CHFR: variants seen among roughly 807,000 people sequenced by gnomAD.
CHFR encodes E3 ubiquitin-protein ligase CHFR.
CHFR carries 57 observed loss-of-function variants against 87.6 expected under a neutral mutation model. The observed-to-expected ratio is 0.65, with a 90% CI of 0.53 to 0.81. CHFR has a LOEUF of 0.81. Ranked by LOEUF, CHFR falls within the 30% of genes least tolerant of loss-of-function variation. CHFR has a pLI of 0.00. For synonymous variants in CHFR, 381 were observed against 359.2 expected (o/e 1.06, Z -0.69); for missense variants, 797 against 865.8 (o/e 0.92, Z 1.00).
chr12:132,842,583 T>C (rs1950724558), intron 17 of CHFR, among the ~76,000 whole-genome samples: 2 of 152,192 alleles, frequency 1.3e-5, no homozygotes, highest in African/African-American at 4.8e-5. Context: ...CAGATGGCGC[T>C]GTGAACCTCC....
intron 12 of CHFR, among the ~76,000 whole-genome samples, chr12:132,850,996 T>C (rs1031590751): frequency 6.4e-5 from 9 of 140,346 alleles, no homozygotes; most frequent in Non-Finnish European, 1.3e-4. Context: ...TATATATATA[T>C]ATGTTTTGTT....
At chr12:132,881,867 CAAAAAAAAAAAA>C (rs57027326) in intron 2 of CHFR, among the ~76,000 whole-genome samples, 1 of 98,166 alleles carries the variant, frequency 1.0e-5, no homozygotes, top group Non-Finnish European at 2.1e-5. Flanking sequence ...GACGCTGTCT[CAAAAAAAAAAAA>C]AAAAAAAAAG....
chr12:132,882,392 G>A (rs955516386), intron 2 of CHFR, among the ~76,000 whole-genome samples: 3 of 152,164 alleles, frequency 2.0e-5, no homozygotes, highest in African/African-American at 7.2e-5. Flanking sequence ...TCAGGGTGAC[G>A]AACATGTTCT....
At chr12:132,882,984 G>C (rs1389411725) in intron 2 of CHFR, 2 of 152,204 alleles carry the variant, frequency 1.3e-5, no homozygotes, top group East Asian at 1.9e-4. Flanking sequence ...TTACAGGCAT[G>C]AGCCACCGTG....
rs1420688359 is a variant in CHFR, at chr12:132,838,185, G to GAGCA, written c.*3365_*3368dup. 2 of 152,446 alleles carry GAGCA rather than the reference G, an allele frequency of 1.3e-5. No individual in the cohort carries two copies. Among genetic ancestry groups the GAGCA allele is most frequent in the African/African-American group, 4.8e-5 (2 of 41,454 alleles). The allele number at this position is 152,446 out of a possible 1,614,324, so 9.4% of individuals were successfully genotyped here. A position where few individuals can be genotyped will look rare whatever the true frequency, so the allele number is the denominator to read the frequency against. On this transcript the variant is annotated 3_prime_UTR_variant, in exon 18 of 18. Transcript: ENST00000450056. Reference sequence around the variant, plus strand: ...TGGGGTGAAGGCCGTGTGGTGCTGGGAGCAGCCCCTGGACCCCGGCTCTCA... The same window carrying GAGCA: ...TGGGGTGAAGGCCGTGTGGTGCTGGGAGCAAGCAGCCCCTGGACCCCGGCTCTCA...
At chr12:132,877,691 C>A in intron 2 of CHFR, 37 bp from the exon 3 acceptor site, 1 of 1,416,366 alleles carries the variant, frequency 7.1e-7, no homozygotes, top group Non-Finnish European at 9.9e-7. Context: ...GGGATATGAT[C>A]GTGGTAACTG....
At chr12:132,842,456 C>G (rs560715119) in intron 17 of CHFR, among the ~76,000 whole-genome samples, 1 of 152,376 alleles carries the variant, frequency 6.6e-6, no homozygotes, top group Middle Eastern at 3.4e-3. Context: ...CACACAACAT[C>G]TCGTCCTGAG....
chr12:132,846,621 C>T (rs1293515030), intron 15 of CHFR, among the ~76,000 whole-genome samples: 1 of 152,010 alleles, frequency 6.6e-6, no homozygotes, highest in Non-Finnish European at 1.5e-5. Flanking sequence ...TGGCTCACGC[C>T]TGTAATTCCA....
Position 132,856,614 on chromosome 12 carries a change from T to C in CHFR, c.1083A>G (p.Glu361=), listed in dbSNP as rs1566184554. The change falls in exon 10 of 18, where the codon GAA becomes GAG. Residue 361 remains glutamate, a synonymous_variant. Transcript: ENST00000450056. The stretch of plus-strand genomic sequence containing the variant: ...TGGCATCCATACTTTGCACATCTTC[T>C]TCACTGCGACTCTTGTCTAGAATTG... ...LIQHPDKSRS[E]EDVQSMDARN... 1.2e-6 allele frequency: 2 copies of C among 1,614,110 alleles called. No individual in the cohort carries two copies. The highest frequency in any genetic ancestry group is 1.7e-6 in the Non-Finnish European group (2 of 1,179,990).
intron 3 of CHFR, 150 bp from the exon 4 acceptor site, chr12:132,872,544 C>A: frequency 1.7e-6 from 1 of 603,846 alleles, no homozygotes; most frequent in Admixed American, 2.6e-5. Flanking sequence ...CACACATCCA[C>A]GCACCCCTCA....
chr12:132,845,046 G>A (rs1054249567), intron 15 of CHFR, among the ~76,000 whole-genome samples: 4 of 151,120 alleles, frequency 2.6e-5, no homozygotes, highest in South Asian at 2.1e-4. Context: ...GAAAGGATTT[G>A]TACATTTGGC....
chr12:132,843,936 C>T (rs1019582512), intron 16 of CHFR, 91 bp downstream of exon 16: 9 of 782,248 alleles, frequency 1.2e-5, no homozygotes, highest in Non-Finnish European at 1.7e-5. Context: ...GCAAAAACAG[C>T]GAAACTGTCT....
At chr12:132,859,408 T>C (rs1253393093) in intron 7 of CHFR, among the ~76,000 whole-genome samples, 181 bp from the exon 8 acceptor site, 3 of 152,008 alleles carry the variant, frequency 2.0e-5, no homozygotes, top group Non-Finnish European at 4.4e-5. Context: ...TGGAGTGCAG[T>C]GGCGCGATCT....
chr12:132,887,173 C>A (rs1363224290), intron 2 of CHFR, 23 bp downstream of exon 2: 5 of 1,461,928 alleles, frequency 3.4e-6, no homozygotes, highest in South Asian at 1.3e-5. Context: ...CCCCGGCCCC[C>A]GGCCCCGGCC....
intron 12 of CHFR, chr12:132,849,245 G>A (rs745800820): frequency 5.9e-5 from 9 of 152,708 alleles, no homozygotes; most frequent in East Asian, 3.8e-4. Context: ...CACTGCGCCC[G>A]GCCTCAGACC....
chr12:132,882,604 G>A (rs920398005), intron 2 of CHFR, among the ~76,000 whole-genome samples: 1 of 151,928 alleles, frequency 6.6e-6, no homozygotes, highest in East Asian at 1.9e-4. Context: ...TCCATTGAGC[G>A]TTAACTGCCA....
chr12:132,839,135 C>G lies in CHFR; in HGVS notation c.*2419G>C, dbSNP rs1284634327. 1 of 152,508 alleles carries G rather than the reference C, an allele frequency of 6.6e-6. No individual in the cohort carries two copies. The highest frequency in any genetic ancestry group is 6.5e-5 in the Admixed American group (1 of 15,284). 9.4% of individuals were successfully genotyped at this position (152,508 alleles called of 1,614,324 possible). ...GCAGCTGGTCCTGAGGAAAGACCAG[C>G]ATCCTCTACAGGGCAAGTGTTCTTG... is the stretch of plus-strand genomic sequence containing the variant. On this transcript the variant is annotated 3_prime_UTR_variant, in exon 18 of 18. Transcript: ENST00000450056.
At chr12:132,878,373 G>A (rs1234730403) in intron 2 of CHFR, among the ~76,000 whole-genome samples, 1 of 151,868 alleles carries the variant, frequency 6.6e-6, no homozygotes, top group African/African-American at 2.4e-5. Flanking sequence ...GGAGGCTGAG[G>A]CAGGAGAATC....
intron 2 of CHFR, among the ~76,000 whole-genome samples, chr12:132,886,403 A>C (rs1374498251): frequency 6.6e-6 from 1 of 151,988 alleles, no homozygotes. Flanking sequence ...GCTTCCAAAC[A>C]GCAAATATTT....
Sources: allele counts gnomAD v4.1 joint callset (sites outside exome capture counted in the v4.1 genomes callset), GRCh38; gene constraint gnomAD v4.1.1; transcripts MANE v1.5; gene names NCBI Gene and HGNC (gene_info 2026-07-23, HGNC 2026-07-21).